Variants in MYZAP observed in about 807,000 individuals in gnomAD.
The protein encoded by MYZAP is GRINL1A complex locus upstream.
A neutral mutation model predicts 69.4 loss-of-function variants in MYZAP; 66 were observed. That is an observed-to-expected ratio of 0.95 (90% CI 0.78 to 1.17). The LOEUF is 1.17. MYZAP is among the 50% of genes most tolerant of loss of function. The pLI, the probability that MYZAP is intolerant of heterozygous loss-of-function variation, is 0.00. For missense variants in MYZAP, 611 were observed against 556.2 expected (o/e 1.10, Z -0.99); for synonymous variants, 256 against 205.9 (o/e 1.24, Z -2.09).
intron 12 of MYZAP, among the ~76,000 whole-genome samples, chr15:57,679,375 T>TGTATG (rs1555465672): frequency 8.7e-6 from 1 of 115,010 alleles, no homozygotes; most frequent in South Asian, 3.4e-4. Context: ...TGTGTGTGTG[T>TGTATG]TTCTCTCTCT....
At chr15:57,669,406 T>C (rs2038763282) in intron 11 of MYZAP, among the ~76,000 whole-genome samples, 1 of 152,110 alleles carries the variant, frequency 6.6e-6, no homozygotes, top group African/African-American at 2.4e-5. Context: ...ATCAATACTC[T>C]TTTTTTCTAC....
intron 2 of MYZAP, among the ~76,000 whole-genome samples, chr15:57,614,689 C>A (rs1310637367): frequency 1.3e-5 from 2 of 152,162 alleles, no homozygotes; most frequent in African/African-American, 4.8e-5. Context: ...GACCTGAGAG[C>A]AGGCTCTTGG....
chr15:57,611,499 G>T (rs1015857525), intron 2 of MYZAP, among the ~76,000 whole-genome samples: 1 of 151,958 alleles, frequency 6.6e-6, no homozygotes, highest in South Asian at 2.1e-4. Flanking sequence ...TATTGTCTGC[G>T]TTGAAGCTGT....
chr15:57,633,325 T>C (rs1321942404), intron 7 of MYZAP, among the ~76,000 whole-genome samples: 2 of 152,214 alleles, frequency 1.3e-5, no homozygotes, highest in Admixed American at 6.5e-5. Flanking sequence ...ATCTACTCAA[T>C]GTTATTAAAC....
Position 57,593,212 on chromosome 15 carries a change from A to ACACACACACACACACACACT in MYZAP, c.75+1106_75+1107insACACACACACACACACTCAC, listed in dbSNP as rs770540454. 5.0e-4 allele frequency among the ~76,000 whole-genome samples: 63 copies of ACACACACACACACACACACT among 124,986 alleles called. 1 individual carries two copies. In the South Asian group the frequency reaches 6.1e-3, roughly 12 times the overall value. The allele number at this position is 124,986 out of a possible 152,430, so 82.0% of individuals were successfully genotyped here. On this transcript the variant is annotated intron_variant, in intron 1 of 12. Coordinates refer to ENST00000267853, the MANE Select transcript of MYZAP (RefSeq NM_001018100.5). ...CGCACACACACACACACACACACACACACCCCAGAATCCATCAGTTGGCTC... is the reference window on the plus strand; with the variant it reads ...CGCACACACACACACACACACACACACACACACACACACACACACTCACCCCAGAATCCATCAGTTGGCTC...
intron 1 of MYZAP, among the ~76,000 whole-genome samples, chr15:57,600,249 A>G (rs1167701359): frequency 1.3e-5 from 2 of 152,222 alleles, no homozygotes; most frequent in Non-Finnish European, 2.9e-5. Flanking sequence ...TCAGTGGGTC[A>G]GTGTTTATTA....
chr15:57,636,812 G>A (rs554412934), intron 8 of MYZAP, among the ~76,000 whole-genome samples: 19 of 152,246 alleles, frequency 1.2e-4, no homozygotes, highest in African/African-American at 3.9e-4. Flanking sequence ...GGCTTAGTGC[G>A]CGTATGTTTC....
intron 4 of MYZAP, among the ~76,000 whole-genome samples, chr15:57,622,594 C>T (rs1240278167): frequency 2.0e-5 from 3 of 152,142 alleles, no homozygotes; most frequent in Middle Eastern, 3.4e-3. Flanking sequence ...CAGAAATGTA[C>T]CCCTGTATAT....
Position 57,625,845 on chromosome 15 carries a change from T to A in MYZAP, c.478T>A (p.Phe160Ile), listed in dbSNP as rs1267766728. 3 of 1,614,052 alleles carry A rather than the reference T, an allele frequency of 1.9e-6. No individual in the cohort carries two copies. Among genetic ancestry groups the A allele is most frequent in the Non-Finnish European group, 1.7e-6 (2 of 1,180,042 alleles). ...AACCCAGTCGTCTGCCCTGGATCGTTTTAATGCCATGAACTCAGCCTTGGC... is the reference window on the plus strand; with the variant it reads ...AACCCAGTCGTCTGCCCTGGATCGTATTAATGCCATGAACTCAGCCTTGGC... ...IQTQSSALDR[F>I]NAMNSALASD... The change falls in exon 5 of 13, where the codon TTT becomes ATT. Residue 160 changes from phenylalanine to isoleucine, a missense_variant. Transcript: ENST00000267853.
intron 1 of MYZAP, among the ~76,000 whole-genome samples, chr15:57,601,301 A>T (rs1454409596): frequency 8.5e-6 from 1 of 118,098 alleles, no homozygotes; most frequent in South Asian, 2.8e-4. Flanking sequence ...TGTGTGTGTG[A>T]TGTGGTGCAG....
In MYZAP at chr15:57,625,885, G is replaced by A. The variant is rs1312892143; in HGVS notation, c.518G>A (p.Gly173Asp). The A allele has an allele frequency of 1.2e-6, 2 of 1,614,122 alleles. No individual in the cohort carries two copies. The highest frequency in any genetic ancestry group is 3.3e-5 in the Admixed American group (2 of 60,018). ...MNSALASDSI[G>D]LQKTLVDVTL... is the part of the protein sequence containing the mutation. ...TCAGCCTTGGCATCAGATTCCATTG[G>A]CCTGCAGGTACTCATCTGCTTACTG... is the stretch of plus-strand genomic sequence containing the variant. The change falls in exon 5 of 13, where the codon GGC (glycine) becomes GAC (aspartate). Residue 173 changes from glycine to aspartate, a missense_variant. Transcript: ENST00000267853.
At chr15:57,671,307 G>A (rs1364999011) in intron 11 of MYZAP, among the ~76,000 whole-genome samples, 1 of 152,044 alleles carries the variant, frequency 6.6e-6, no homozygotes, top group Non-Finnish European at 1.5e-5. Flanking sequence ...GTATATAACA[G>A]GTTGCTTTCA....
chr15:57,625,735 G>T (rs775172751), intron 4 of MYZAP, 44 bp from the exon 5 acceptor site: 19 of 1,574,516 alleles, frequency 1.2e-5, no homozygotes, highest in African/African-American at 2.7e-5. Flanking sequence ...TGTCGTGAAC[G>T]TGTAGGGATT....
At chr15:57,638,726 T>C (rs2036960521) in intron 9 of MYZAP, among the ~76,000 whole-genome samples, 3 of 152,188 alleles carry the variant, frequency 2.0e-5, no homozygotes, top group Admixed American at 2.0e-4. Flanking sequence ...TGTTTGGATG[T>C]AGAGAAGGTC....
intron 1 of MYZAP, among the ~76,000 whole-genome samples, chr15:57,601,940 A>G (rs773569705): frequency 7.9e-5 from 12 of 152,124 alleles, no homozygotes; most frequent in Admixed American, 3.9e-4. Context: ...GAGGGTGGCA[A>G]TGGTGTACGT....
rs2039600585 is a variant in MYZAP at position 57,684,539 on chromosome 15, C to G, written c.*41C>G. 3.8e-6 allele frequency: 5 copies of G among 1,305,314 alleles called. No individual in the cohort carries two copies. In the South Asian group the frequency reaches 4.9e-5, roughly 13 times the overall value. The allele number at this position is 1,305,314 out of a possible 1,614,324, so 80.9% of individuals were successfully genotyped here. Reference sequence around the variant, plus strand: ...CACTTTTTACAGATGGACAAAAGCTCTGGAACCCTGTGGCTTCAAATCCTT... The same window carrying G: ...CACTTTTTACAGATGGACAAAAGCTGTGGAACCCTGTGGCTTCAAATCCTT... On this transcript the variant is annotated 3_prime_UTR_variant, in exon 13 of 13. Transcript: ENST00000267853.
At chr15:57,680,942 C>G (rs1164420274) in intron 12 of MYZAP, among the ~76,000 whole-genome samples, 1 of 152,100 alleles carries the variant, frequency 6.6e-6, no homozygotes, top group Non-Finnish European at 1.5e-5. Context: ...TAACAATAGC[C>G]TAAATGTGTT....
chr15:57,623,554 G>C (rs2035945247), intron 4 of MYZAP, among the ~76,000 whole-genome samples: 1 of 152,040 alleles, frequency 6.6e-6, no homozygotes, highest in South Asian at 2.1e-4. Flanking sequence ...CCAATGTGGT[G>C]AAACCCTGTC....
chr15:57,684,172 A>C (rs562462725), intron 12 of MYZAP, among the ~76,000 whole-genome samples: 24 of 152,180 alleles, frequency 1.6e-4, no homozygotes, highest in Admixed American at 3.9e-4. Flanking sequence ...CAAAGTCCCC[A>C]CCTCCTAATA....
Sources: gnomAD v4.1 joint callset for allele counts (sites outside exome capture counted in the v4.1 genomes callset) on GRCh38, gnomAD v4.1.1 for gene constraint, MANE v1.5 for transcripts, NCBI Gene and HGNC (gene_info 2026-07-23, HGNC 2026-07-21) for gene names.